The following DLGAP1 variants were observed in gnomAD, a reference collection of about 807,000 sequenced individuals.
DLGAP1 encodes DLG associated protein 1, also known as disks large-associated protein 1.
In DLGAP1, 11 loss-of-function variants were observed where a neutral mutation model predicts 90.8. The ratio of observed to expected loss-of-function variants is 0.12; its 90% confidence interval spans 0.08 to 0.20. The LOEUF (loss-of-function observed/expected upper bound fraction) is 0.20. Ranked by LOEUF, DLGAP1 falls within the 10% of genes least tolerant of loss-of-function variation. The probability of loss-of-function intolerance (pLI) is 1.00; values close to 1 mark genes in which losing one functional copy is unlikely to be tolerated. For missense variants in DLGAP1, 1,050 were observed against 1,333.8 expected (o/e 0.79, Z 3.31); for synonymous variants, 558 against 540.7 (o/e 1.03, Z -0.44).
intron 7 of DLGAP1, chr18:3,593,872 T>G (rs2056420714): frequency 6.6e-6 from 1 of 152,132 alleles, no homozygotes; most frequent in African/African-American, 2.4e-5. Context: ...AGTCACAACT[T>G]TATTTTTTTT....
At chr18:4,385,001 TCC>T (rs1190561779) in intron 1 of DLGAP1, among the ~76,000 whole-genome samples, 1 of 152,104 alleles carries the variant, frequency 6.6e-6, no homozygotes, top group Non-Finnish European at 1.5e-5. Flanking sequence ...CTGTAATGCC[TCC>T]CTAATGCCTG....
chr18:4,363,954 C>T (rs1369572761), intron 1 of DLGAP1, among the ~76,000 whole-genome samples: 1 of 151,806 alleles, frequency 6.6e-6, no homozygotes, highest in Non-Finnish European at 1.5e-5. Flanking sequence ...GACATATGCA[C>T]ACGTATGTTT....
intron 3 of DLGAP1, among the ~76,000 whole-genome samples, chr18:3,898,784 T>C (rs958610948): frequency 5.3e-5 from 8 of 152,136 alleles, no homozygotes; most frequent in African/African-American, 1.9e-4. Flanking sequence ...AGAAATAAAG[T>C]TATTCATCTA....
At chr18:4,075,392 C>G (rs1248822897) in intron 2 of DLGAP1, among the ~76,000 whole-genome samples, 1 of 152,056 alleles carries the variant, frequency 6.6e-6, no homozygotes, top group Non-Finnish European at 1.5e-5. Context: ...TTAGACCCAA[C>G]AAAATTTTAA....
chr18:4,239,056 T>A (rs2078475202), intron 1 of DLGAP1, among the ~76,000 whole-genome samples: 1 of 152,228 alleles, frequency 6.6e-6, no homozygotes, highest in African/African-American at 2.4e-5. Context: ...CACTATGTGA[T>A]GCTGGGAGTG....
At chr18:3,933,237 G>C (rs1228256656) in intron 3 of DLGAP1, among the ~76,000 whole-genome samples, 3 of 152,166 alleles carry the variant, frequency 2.0e-5, no homozygotes, top group African/African-American at 7.2e-5. Context: ...AAATAAGAGG[G>C]GAATTCAGAT....
At chr18:4,280,716 T>C (rs2079529222) in intron 1 of DLGAP1, 1 of 152,250 alleles carries the variant, frequency 6.6e-6, no homozygotes, top group Admixed American at 6.5e-5. Flanking sequence ...ATTTCCCTTT[T>C]GGTTCCTTTC....
intron 3 of DLGAP1, among the ~76,000 whole-genome samples, chr18:3,897,993 A>T (rs1245425922): frequency 6.6e-6 from 1 of 151,244 alleles, no homozygotes; most frequent in South Asian, 2.1e-4. Context: ...ACGGGGTTTC[A>T]CCTTGTTAGC....
chr18:3,779,682 G>C (rs1468469449), intron 5 of DLGAP1, among the ~76,000 whole-genome samples: 1 of 151,624 alleles, frequency 6.6e-6, no homozygotes, highest in East Asian at 1.9e-4. Flanking sequence ...AAGCTTGCTT[G>C]CTCTGATGCA....
At chr18:3,635,008 G>T (rs1163644938) in intron 7 of DLGAP1, among the ~76,000 whole-genome samples, 1 of 152,174 alleles carries the variant, frequency 6.6e-6, no homozygotes, top group Non-Finnish European at 1.5e-5. Flanking sequence ...ATGAAGCAGG[G>T]AAGTGTGTAT....
chr18:3,529,336 C>T (rs1341352848), intron 10 of DLGAP1, among the ~76,000 whole-genome samples: 1 of 152,154 alleles, frequency 6.6e-6, no homozygotes, highest in Non-Finnish European at 1.5e-5. Flanking sequence ...AGACACCAAA[C>T]CTGCCAGTAT....
chr18:3,924,284 G>T (rs1029851847), intron 3 of DLGAP1, among the ~76,000 whole-genome samples: 1 of 152,100 alleles, frequency 6.6e-6, no homozygotes, highest in Admixed American at 6.5e-5. Context: ...GGAAAACCAT[G>T]GGGAAATATA....
intron 7 of DLGAP1, among the ~76,000 whole-genome samples, chr18:3,659,442 A>ACC (rs1339165633): frequency 2.5e-4 from 24 of 94,266 alleles, no homozygotes; most frequent in African/African-American, 1.2e-3. Flanking sequence ...CACGGATGCT[A>ACC]CCACCCCCCG....
chr18:3,878,004 G>T (rs970756717), intron 4 of DLGAP1, among the ~76,000 whole-genome samples: 44 of 152,314 alleles, frequency 2.9e-4, no homozygotes, highest in Admixed American at 7.8e-4. Context: ...TCTTCTCAGG[G>T]ATTGATGGAG....
At chr18:3,948,410 T>A (rs996392715) in intron 3 of DLGAP1, among the ~76,000 whole-genome samples, 11 of 152,272 alleles carry the variant, frequency 7.2e-5, no homozygotes, top group Admixed American at 3.9e-4. Flanking sequence ...GTTTGTCACC[T>A]GCTGTTAGGG....
intron 7 of DLGAP1, among the ~76,000 whole-genome samples, chr18:3,663,629 C>T (rs1403215585): frequency 6.6e-6 from 1 of 152,178 alleles, no homozygotes; most frequent in African/African-American, 2.4e-5. Context: ...AGTCTTGAAG[C>T]CGCAAGGCTG....
At chr18:4,276,222 T>C (rs1227460077) in intron 1 of DLGAP1, among the ~76,000 whole-genome samples, 1 of 150,100 alleles carries the variant, frequency 6.7e-6, no homozygotes, top group Non-Finnish European at 1.5e-5. Flanking sequence ...GCATAAGAAA[T>C]AGGATCATAA....
Position 4,454,028 on chromosome 18 carries a change from G to A in DLGAP1, c.-267+978C>T, listed in dbSNP as rs919878857. The stretch of plus-strand genomic sequence containing the variant: ...GCAGCCGGGGGCGAGCGCGGCACTC[G>A]GACACAGGCACTCAGTGTCTCCGGC... On this transcript the variant is annotated intron_variant, in intron 1 of 12. Coordinates refer to ENST00000315677, the MANE Select transcript of DLGAP1 (RefSeq NM_004746.4). The surrounding 1 kb of genome is among the most constrained non-coding windows in gnomAD (Gnocchi z 4.7). Among the ~76,000 whole-genome samples, 2 of 152,140 alleles carry A rather than the reference G, an allele frequency of 1.3e-5. No homozygotes were observed. Among genetic ancestry groups the A allele is most frequent in the Admixed American group, 1.3e-4 (2 of 15,282 alleles).
intron 1 of DLGAP1, among the ~76,000 whole-genome samples, chr18:4,269,597 A>T (rs941038319): frequency 1.3e-5 from 2 of 151,696 alleles, no homozygotes; most frequent in East Asian, 1.9e-4. Context: ...CTTGTGATCC[A>T]CCCGCCTTGG....
Sources: allele counts gnomAD v4.1 joint callset (sites outside exome capture counted in the v4.1 genomes callset), GRCh38; gene constraint gnomAD v4.1.1; non-coding constraint Gnocchi (gnomAD v3.1); transcripts MANE v1.5; gene names NCBI Gene and HGNC (gene_info 2026-07-23, HGNC 2026-07-21).